Variants in FRMD4B observed in about 807,000 individuals in gnomAD.
FRMD4B encodes the protein FERM domain-containing protein 4B.
In FRMD4B, 74 loss-of-function variants were observed where a neutral mutation model predicts 141.5. The observed-to-expected ratio is 0.52, with a 90% CI of 0.43 to 0.63. The LOEUF is 0.63. Among genes scored for constraint, FRMD4B ranks in the 30% least tolerant of loss-of-function variants. The probability of loss-of-function intolerance (pLI) is 0.00; values close to 1 mark genes in which losing one functional copy is unlikely to be tolerated. For synonymous variants in FRMD4B, 506 were observed against 467.9 expected, an observed-to-expected ratio of 1.08 and a Z score of -1.05; for missense variants, 1,366 against 1,253.4, an observed-to-expected ratio of 1.09 and a Z score of -1.36.
At chr3:69,179,212 A>G (rs1355597229) in intron 21 of FRMD4B, among the ~76,000 whole-genome samples, 2 of 152,022 alleles carry the variant, frequency 1.3e-5, no homozygotes, top group African/African-American at 4.8e-5. Context: ...ACCAGGTCTG[A>G]AACAGGAAGC....
At chr3:69,196,786 A>G in intron 13 of FRMD4B, 114 bp downstream of exon 13, 1 of 792,150 alleles carries the variant, frequency 1.3e-6, no homozygotes, top group Non-Finnish European at 2.0e-6. Flanking sequence ...TTAAACGCAA[A>G]AAAATCTCAG....
intron 1 of FRMD4B, among the ~76,000 whole-genome samples, chr3:69,507,778 G>C (rs1706622475): frequency 6.6e-6 from 1 of 152,122 alleles, no homozygotes; most frequent in African/African-American, 2.4e-5. Flanking sequence ...CAGAGACAGA[G>C]AAGAATTTAG....
At chr3:69,362,718 C>A (rs966982519) in intron 1 of FRMD4B, among the ~76,000 whole-genome samples, 3 of 138,400 alleles carry the variant, frequency 2.2e-5, no homozygotes, top group Non-Finnish European at 4.7e-5. Flanking sequence ...CCCAAAAAAA[C>A]AAACAAAAAA....
chr3:69,516,308 T>C (rs1001294832), intron 1 of FRMD4B, among the ~76,000 whole-genome samples: 1 of 152,202 alleles, frequency 6.6e-6, no homozygotes, highest in Non-Finnish European at 1.5e-5. Flanking sequence ...AGAGGTTTTG[T>C]TGCAGATGTG....
At chr3:69,328,789 T>C (rs1046113055) in intron 1 of FRMD4B, among the ~76,000 whole-genome samples, 5 of 152,204 alleles carry the variant, frequency 3.3e-5, no homozygotes, top group African/African-American at 9.7e-5. Context: ...GAAGTTACCC[T>C]ATATTGTCTA....
chr3:69,473,574 C>G (rs1469748623), intron 1 of FRMD4B, among the ~76,000 whole-genome samples: 1 of 152,170 alleles, frequency 6.6e-6, no homozygotes, highest in Non-Finnish European at 1.5e-5. Flanking sequence ...CCATATCAAT[C>G]TCTCTTTTAA....
chr3:69,339,947 C>A (rs1023938767), intron 1 of FRMD4B, among the ~76,000 whole-genome samples: 2 of 151,938 alleles, frequency 1.3e-5, no homozygotes. Context: ...AAACTCCCAT[C>A]CCTGAGGCGG....
chr3:69,279,306 C>T (rs1321938966), intron 5 of FRMD4B, among the ~76,000 whole-genome samples: 1 of 152,194 alleles, frequency 6.6e-6, no homozygotes, highest in Non-Finnish European at 1.5e-5. Flanking sequence ...CACTCCAGTA[C>T]TAATAAACTA....
At chr3:69,286,288 T>C (rs1035563496) in intron 5 of FRMD4B, among the ~76,000 whole-genome samples, 1 of 152,218 alleles carries the variant, frequency 6.6e-6, no homozygotes, top group African/African-American at 2.4e-5. Flanking sequence ...TAAAGTTAAT[T>C]GAATATTTAC....
intron 1 of FRMD4B, among the ~76,000 whole-genome samples, chr3:69,364,057 G>A (rs1703562164): frequency 6.6e-6 from 1 of 152,328 alleles, no homozygotes; most frequent in South Asian, 2.1e-4. Context: ...GGGCAAGGGG[G>A]TGATATTGAT....
intron 1 of FRMD4B, among the ~76,000 whole-genome samples, chr3:69,538,751 A>C (rs551328628): frequency 6.6e-6 from 1 of 152,348 alleles, no homozygotes; most frequent in East Asian, 1.9e-4. Flanking sequence ...GGGTTTATCA[A>C]GCATCTAGCA....
At chr3:69,399,018 G>A (rs1466974851) in intron 2 of FRMD4B, among the ~76,000 whole-genome samples, 2 of 152,026 alleles carry the variant, frequency 1.3e-5, no homozygotes, top group African/African-American at 4.8e-5. Context: ...GTCATTCAAG[G>A]CACCATGGTA....
chr3:69,475,522 C>T (rs927365567), intron 1 of FRMD4B, among the ~76,000 whole-genome samples: 8 of 152,138 alleles, frequency 5.3e-5, no homozygotes, highest in Non-Finnish European at 1.2e-4. Context: ...CATGTCCCTA[C>T]AAACGACATG....
intron 5 of FRMD4B, among the ~76,000 whole-genome samples, chr3:69,260,234 G>C (rs1035212862): frequency 6.6e-6 from 1 of 152,226 alleles, no homozygotes; most frequent in Non-Finnish European, 1.5e-5. Flanking sequence ...TGAGGCCAGA[G>C]CTGGCTCCCT....
chr3:69,249,317 G>C, intron 6 of FRMD4B, 69 bp from the exon 7 acceptor site: 1 of 1,041,196 alleles, frequency 9.6e-7, no homozygotes, highest in Non-Finnish European at 1.5e-6. Flanking sequence ...GTTTTATCTT[G>C]ATTACTTTCC....
intron 1 of FRMD4B, among the ~76,000 whole-genome samples, chr3:69,490,754 G>C (rs1706289466): frequency 6.6e-6 from 1 of 152,114 alleles, no homozygotes. Flanking sequence ...GTTCCCTGAG[G>C]ACGGGAGCTC....
chr3:69,540,658 T>TACACACACACAC (rs1235500081), intron 1 of FRMD4B, among the ~76,000 whole-genome samples: 2 of 76,898 alleles, frequency 2.6e-5, no homozygotes, highest in African/African-American at 1.4e-4. Context: ...TATATATATA[T>TACACACACACAC]ATACACACAC....
At chr3:69,339,308 G>A (rs554427826) in intron 1 of FRMD4B, among the ~76,000 whole-genome samples, 3 of 152,264 alleles carry the variant, frequency 2.0e-5, no homozygotes, top group East Asian at 1.9e-4. Flanking sequence ...GTGGGGAGGC[G>A]ACACAGTGGA....
intron 5 of FRMD4B, among the ~76,000 whole-genome samples, chr3:69,286,559 T>G (rs1700695547): frequency 6.6e-6 from 1 of 152,142 alleles, no homozygotes. Flanking sequence ...ACACATAACA[T>G]GCTCAATAAC....
Sources: allele counts gnomAD v4.1 joint callset (sites outside exome capture counted in the v4.1 genomes callset), GRCh38; gene constraint gnomAD v4.1.1; transcripts MANE v1.5; gene names NCBI Gene and HGNC (gene_info 2026-07-23, HGNC 2026-07-21).